The following ABL2 variants were observed in gnomAD, a reference collection of about 807,000 sequenced individuals.
ABL2 encodes tyrosine-protein kinase ABL2.
Under a neutral mutation model 107.7 loss-of-function variants are expected in ABL2, and 49 were observed. The observed-to-expected ratio is 0.45, with a 90% CI of 0.36 to 0.58. The LOEUF is 0.58. Ranked by LOEUF, ABL2 falls within the 20% of genes least tolerant of loss-of-function variation. ABL2 has a pLI of 0.00. For missense variants in ABL2, 1,245 were observed against 1,457.0 expected (o/e 0.85, Z 2.37); for synonymous variants, 549 against 548.6 (o/e 1.00, Z -0.01).
At chr1:179,115,948 C>T (rs1456446967) in intron 8 of ABL2, among the ~76,000 whole-genome samples, 1 of 151,970 alleles carries the variant, frequency 6.6e-6, no homozygotes, top group East Asian at 1.9e-4. Flanking sequence ...TACTAAGCTT[C>T]AACCAAATCA....
In ABL2 at chr1:179,106,666, C is replaced by T. The variant is rs1653491841; in HGVS notation, c.*1052G>A. ...GCCATTAGGACCAAGCCAGCTTTTC[C>T]TCTCAGTCACATACAGGCCACTGGG... On this transcript the variant is annotated 3_prime_UTR_variant, in exon 12 of 12. Coordinates refer to ENST00000502732, the MANE Select transcript of ABL2 (RefSeq NM_007314.4). 8.6e-6 allele frequency: 2 copies of T among 232,028 alleles called. No homozygotes were observed. The highest frequency in any genetic ancestry group is 1.7e-5 in the Non-Finnish European group (2 of 117,374). The allele number at this position is 232,028 out of a possible 1,614,324, so 14.4% of individuals were successfully genotyped here.
chr1:179,158,767 A>G (rs1024626718), intron 1 of ABL2, among the ~76,000 whole-genome samples: 2 of 152,226 alleles, frequency 1.3e-5, no homozygotes, highest in Non-Finnish European at 1.5e-5. Context: ...ATCTAGCAGG[A>G]TAATAAGATT....
intron 1 of ABL2, among the ~76,000 whole-genome samples, chr1:179,152,997 A>C (rs1033946967): frequency 1.3e-5 from 2 of 152,214 alleles, no homozygotes; most frequent in Non-Finnish European, 2.9e-5. Context: ...ACTAGAATGT[A>C]AGTGGGGTAT....
chr1:179,100,141 G>A lies in ABL2; in HGVS notation c.*7577C>T, dbSNP rs1413565741. 1 of 230,730 alleles carries A rather than the reference G, an allele frequency of 4.3e-6. No individual in the cohort carries two copies. The highest frequency in any genetic ancestry group is 8.6e-6 in the Non-Finnish European group (1 of 116,608). 14.3% of individuals were successfully genotyped at this position (230,730 alleles called of 1,614,324 possible). A position where few individuals can be genotyped will look rare whatever the true frequency, so the allele number is the denominator to read the frequency against. The stretch of plus-strand genomic sequence containing the variant: ...TGTTCCTTTCTAGTTTCTGAATACT[G>A]ATTGACAATTGGCCTAATCATGGTG... On this transcript the variant is annotated 3_prime_UTR_variant, in exon 12 of 12. Transcript: ENST00000502732.
In ABL2 at chr1:179,108,016, A is replaced by T. The variant is rs1653614366; in HGVS notation, c.3251T>A (p.Ile1084Asn). Residue 1084 changes from isoleucine (I) to asparagine (N), a missense_variant, in exon 12 of 12, where the codon ATC becomes AAC. Physicochemically the swap from Ile to Asn is moderately radical, Grantham distance 149 (BLOSUM62 -3). Coordinates refer to ENST00000502732, the MANE Select transcript of ABL2 (RefSeq NM_007314.4). The stretch of plus-strand genomic sequence containing the variant: ...ACATTCCAGCAGGGCCTCTTTGCTG[A>T]TTTTGTCTGCTGAGATTTTCTCAGC... Reference protein sequence around the residue: ...QAAEKISADKISKEALLECAD... With the variant: ...QAAEKISADKNSKEALLECAD... 1 of 1,613,950 alleles carries T rather than the reference A, an allele frequency of 6.2e-7. No individual in the cohort carries two copies. The highest frequency in any genetic ancestry group is 1.3e-5 in the African/African-American group (1 of 74,878).
At chr1:179,219,098 A>G (rs961629458) in intron 1 of ABL2, among the ~76,000 whole-genome samples, 5 of 152,198 alleles carry the variant, frequency 3.3e-5, no homozygotes, top group African/African-American at 1.2e-4. Context: ...AATGGAGTGC[A>G]GCGACGTGAT....
At chr1:179,135,416 G>A (rs1391653621) in intron 1 of ABL2, among the ~76,000 whole-genome samples, 2 of 150,480 alleles carry the variant, frequency 1.3e-5, no homozygotes, top group Non-Finnish European at 3.0e-5. Flanking sequence ...GTCTCTGCCC[G>A]GCCGCCCCGT....
rs1656999472 is a variant in ABL2 at position 179,136,511 on chromosome 1, G to A, written c.158-3137C>T. On this transcript the variant is annotated intron_variant, in intron 1 of 11. Transcript: ENST00000502732. ...TTTGTTAAACAGATGCTTGAAGGCA[G>A]CATGCTCCTTAAGAGTCATCACCAC... Among the ~76,000 whole-genome samples the A allele has an allele frequency of 5.3e-5, 8 of 150,634 alleles. No individual in the cohort carries two copies. In the South Asian group the frequency reaches 1.7e-3, roughly 31 times the overall value.
intron 1 of ABL2, among the ~76,000 whole-genome samples, chr1:179,198,269 C>G (rs148934596): frequency 6.6e-6 from 1 of 150,990 alleles, no homozygotes; most frequent in South Asian, 2.1e-4. Context: ...GGAGAGAATA[C>G]GATAAAATAA....
chr1:179,110,157 G>A (rs1653903615), intron 11 of ABL2, 125 bp downstream of exon 11: 6 of 1,195,020 alleles, frequency 5.0e-6, no homozygotes, highest in Non-Finnish European at 7.3e-6. Flanking sequence ...TCATGGGTGG[G>A]TAAAAGAGAC....
In ABL2 at chr1:179,181,746, G is replaced by A. The variant is rs77234916; in HGVS notation, c.157+47495C>T. The stretch of plus-strand genomic sequence containing the variant: ...CCACCAGATCTCCCATCTACTGACC[G>A]CTATCTTTGAACTATCTTTTTTTAA... On this transcript the variant is annotated intron_variant, in intron 1 of 11. Transcript: ENST00000502732. 5.4e-3 allele frequency among the ~76,000 whole-genome samples: 818 copies of A among 151,780 alleles called. 7 individuals carry two copies. The highest frequency in any genetic ancestry group is 0.018 in the African/African-American group (759 of 41,414).
Position 179,105,954 on chromosome 1 carries a change from T to TA in ABL2, c.*1763dup. On this transcript the variant is annotated 3_prime_UTR_variant, in exon 12 of 12. Transcript: ENST00000502732. ...GCTCTCCAAGGGATAGCTGCACACT[T>TA]ACTTGCAACACCCTTGAGAACATGT... 4.5e-6 allele frequency: 1 copy of TA among 223,402 alleles called. No individual in the cohort carries two copies. The highest frequency in any genetic ancestry group is 8.9e-6 in the Non-Finnish European group (1 of 111,818). The allele number at this position is 223,402 out of a possible 1,614,324, so 13.8% of individuals were successfully genotyped here. A position where few individuals can be genotyped will look rare whatever the true frequency, so the allele number is the denominator to read the frequency against.
intron 1 of ABL2, among the ~76,000 whole-genome samples, chr1:179,143,245 AAAAG>A (rs1177079723): frequency 3.9e-5 from 6 of 152,250 alleles, no homozygotes; most frequent in African/African-American, 1.4e-4. Flanking sequence ...AGCAATCCGC[AAAAG>A]ACTGAGTCAG....
intron 4 of ABL2, among the ~76,000 whole-genome samples, chr1:179,122,276 T>TAA (rs34338293): frequency 9.5e-5 from 12 of 126,756 alleles, no homozygotes; most frequent in African/African-American, 1.5e-4. Context: ...AGGCTATCTT[T>TAA]AAAAAAAAAA....
intron 1 of ABL2, among the ~76,000 whole-genome samples, chr1:179,219,050 G>GCTTT (rs57120827): frequency 0.5 from 75,619 of 151,602 alleles, 18,954 homozygotes; most frequent in Admixed American, 0.55. Context: ...CACTAAACAA[G>GCTTT]TTTTCTTTTT....
chr1:179,128,955 G>C (rs1370249496), intron 3 of ABL2, among the ~76,000 whole-genome samples: 1 of 151,624 alleles, frequency 6.6e-6, no homozygotes, highest in Non-Finnish European at 1.5e-5. Flanking sequence ...AAAGTGCTGA[G>C]AATACAGGGA....
At position 179,102,530 on chromosome 1, in the gene ABL2, C is replaced by A. The variant is rs1572588466; in HGVS notation, c.*5188G>T. ...AGCCTATCAATACTTAAGCCAGAGA[C>A]CCACCTACAAAAAGAGGATTGGTCA... On this transcript the variant is annotated 3_prime_UTR_variant, in exon 12 of 12. Transcript: ENST00000502732. 4.4e-6 allele frequency: 1 copy of A among 227,540 alleles called. No homozygotes were observed. Among genetic ancestry groups the A allele is most frequent in the East Asian group, 6.3e-5 (1 of 15,942 alleles). The allele number at this position is 227,540 out of a possible 1,614,324, so 14.1% of individuals were successfully genotyped here.
At chr1:179,122,277 A>T (rs1263720641) in intron 4 of ABL2, among the ~76,000 whole-genome samples, 9 of 15,700 alleles carry the variant, frequency 5.7e-4, no homozygotes, top group African/African-American at 2.0e-3. Flanking sequence ...GGCTATCTTT[A>T]AAAAAAAAAA....
Position 179,156,166 on chromosome 1 carries a change from C to G in ABL2, c.158-22792G>C, listed in dbSNP as rs181500188. Among the ~76,000 whole-genome samples, 725 of 152,304 alleles carry G rather than the reference C, an allele frequency of 4.8e-3. 5 individuals carry two copies. The highest frequency in any genetic ancestry group is 0.016 in the African/African-American group (684 of 41,564). On this transcript the variant is annotated intron_variant, in intron 1 of 11. Coordinates refer to ENST00000502732, the MANE Select transcript of ABL2 (RefSeq NM_007314.4). ...GTTTCAGACCTGCGGAGCTAGTTCT[C>G]CAATATTTATGAAGAGGTATGTCTA...
Sources: gnomAD v4.1 joint callset for allele counts (sites outside exome capture counted in the v4.1 genomes callset) on GRCh38, gnomAD v4.1.1 for gene constraint, MANE v1.5 for transcripts, NCBI Gene and HGNC (gene_info 2026-07-23, HGNC 2026-07-21) for gene names.